The following CFAP299 variants were observed in gnomAD, a reference collection of about 807,000 sequenced individuals.
The protein encoded by CFAP299 is cilia and flagella associated protein 299.
A neutral mutation model predicts 27.0 loss-of-function variants in CFAP299; 21 were observed. The observed-to-expected ratio is 0.78, with a 90% CI of 0.55 to 1.12. The LOEUF is 1.12. CFAP299 is among the 50% of genes most tolerant of loss of function. The probability of loss-of-function intolerance (pLI) is 0.00; values close to 1 mark genes in which losing one functional copy is unlikely to be tolerated. For synonymous variants in CFAP299, 104 were observed against 98.1 expected (o/e 1.06, Z -0.36); for missense variants, 310 against 276.6 (o/e 1.12, Z -0.86).
intron 3 of CFAP299, among the ~76,000 whole-genome samples, chr4:80,599,269 G>A (rs539777300): frequency 1.3e-4 from 19 of 152,000 alleles, no homozygotes; most frequent in Non-Finnish European, 2.6e-4. Flanking sequence ...CTCTATAATC[G>A]TCTTCATTTT....
chr4:80,462,343 C>A (rs550130062), intron 2 of CFAP299, among the ~76,000 whole-genome samples: 1 of 152,242 alleles, frequency 6.6e-6, no homozygotes, highest in East Asian at 1.9e-4. Flanking sequence ...ACCATTCTGG[C>A]GGAGCAGACT....
At chr4:80,497,068 T>A (rs1578516873) in intron 2 of CFAP299, among the ~76,000 whole-genome samples, 1 of 152,064 alleles carries the variant, frequency 6.6e-6, no homozygotes. Flanking sequence ...ACCTTCAACA[T>A]TGGCTATTAT....
intron 3 of CFAP299, among the ~76,000 whole-genome samples, chr4:80,679,809 T>G (rs1578010031): frequency 6.6e-6 from 1 of 151,848 alleles, no homozygotes; most frequent in South Asian, 2.1e-4. Context: ...ACTTCACTGT[T>G]GAGTTTCGAG....
chr4:80,401,516 G>A (rs2110050066), intron 2 of CFAP299, among the ~76,000 whole-genome samples: 1 of 152,324 alleles, frequency 6.6e-6, no homozygotes, highest in South Asian at 2.1e-4. Context: ...TCCACATGGT[G>A]TTGAGCCTGT....
intron 3 of CFAP299, among the ~76,000 whole-genome samples, chr4:80,783,511 T>A (rs774016940): frequency 2.8e-4 from 43 of 152,316 alleles, no homozygotes; most frequent in Non-Finnish European, 5.7e-4. Context: ...AAACTCATTT[T>A]CCTTCATAAA....
chr4:80,809,222 G>T (rs905533541), intron 3 of CFAP299, among the ~76,000 whole-genome samples: 3 of 152,110 alleles, frequency 2.0e-5, no homozygotes, highest in African/African-American at 7.2e-5. Context: ...TACTTTACAT[G>T]GAGACATCTG....
intron 3 of CFAP299, among the ~76,000 whole-genome samples, chr4:80,746,047 A>G (rs572707817): frequency 6.6e-6 from 1 of 152,164 alleles, no homozygotes; most frequent in East Asian, 1.9e-4. Context: ...AAAGTCTCCA[A>G]GGTACAAAGA....
intron 2 of CFAP299, among the ~76,000 whole-genome samples, chr4:80,470,387 T>C (rs1372946598): frequency 6.6e-6 from 1 of 152,194 alleles, no homozygotes; most frequent in Non-Finnish European, 1.5e-5. Context: ...ATGACTCTAC[T>C]GGGTTTCAAA....
chr4:80,390,996 T>C (rs1239265942), intron 2 of CFAP299, among the ~76,000 whole-genome samples: 3 of 148,130 alleles, frequency 2.0e-5, no homozygotes, highest in East Asian at 2.0e-4. Flanking sequence ...TATATATGTA[T>C]ATATGTATGT....
chr4:80,427,467 C>A (rs1324370671), intron 2 of CFAP299, among the ~76,000 whole-genome samples: 2 of 152,142 alleles, frequency 1.3e-5, no homozygotes, highest in Non-Finnish European at 2.9e-5. Context: ...CTTGGCTGTT[C>A]TTTCCTATGT....
chr4:80,594,988 C>G (rs901112393), intron 3 of CFAP299, among the ~76,000 whole-genome samples: 1 of 152,114 alleles, frequency 6.6e-6, no homozygotes, highest in Non-Finnish European at 1.5e-5. Context: ...TGCTTTTTGG[C>G]ACCAAGTCCC....
intron 1 of CFAP299, among the ~76,000 whole-genome samples, chr4:80,356,399 G>A (rs891204896): frequency 2.6e-5 from 4 of 152,094 alleles, no homozygotes; most frequent in African/African-American, 9.7e-5. Context: ...AATGGGAATA[G>A]CATTGAATCT....
intron 2 of CFAP299, among the ~76,000 whole-genome samples, chr4:80,423,317 C>T (rs1351238243): frequency 1.3e-5 from 2 of 152,072 alleles, no homozygotes; most frequent in Non-Finnish European, 2.9e-5. Flanking sequence ...AACAAAAATT[C>T]AACAATTAAT....
intron 3 of CFAP299, among the ~76,000 whole-genome samples, chr4:80,759,873 G>T (rs1725453554): frequency 6.6e-6 from 1 of 151,734 alleles, no homozygotes; most frequent in South Asian, 2.1e-4. Flanking sequence ...CTCCTTAAAC[G>T]TGTTTTTTTT....
At chr4:80,636,106 C>T (rs896564104) in intron 3 of CFAP299, among the ~76,000 whole-genome samples, 1 of 152,106 alleles carries the variant, frequency 6.6e-6, no homozygotes, top group African/African-American at 2.4e-5. Context: ...TTCATGGTCA[C>T]TAATATATCT....
chr4:80,626,246 T>C (rs1171055664), intron 3 of CFAP299, among the ~76,000 whole-genome samples: 1 of 151,914 alleles, frequency 6.6e-6, no homozygotes, highest in African/African-American at 2.4e-5. Flanking sequence ...GGAGACACTT[T>C]GGAAAATTTG....
chr4:80,434,190 G>A (rs927469982), intron 2 of CFAP299, among the ~76,000 whole-genome samples: 17 of 152,110 alleles, frequency 1.1e-4, no homozygotes, highest in Admixed American at 3.3e-4. Flanking sequence ...TCTTATTGTT[G>A]TTACAAATAT....
At position 80,567,464 on chromosome 4, in the gene CFAP299, CCTGA is replaced by C. The variant is rs543830609; in HGVS notation, c.243-15626_243-15623del. On this transcript the variant is annotated intron_variant, in intron 2 of 5. Transcript: ENST00000358105. ...AACCACAAATCTCTCCAAATGTAAC[CCTGA>C]CTAACCTGGCTCCTAAAGAATATTG... Among the ~76,000 whole-genome samples the C allele has an allele frequency of 5.9e-4, 89 of 151,984 alleles. 1 individual carries two copies. Among genetic ancestry groups the C allele is most frequent in the African/African-American group, 2.0e-3 (82 of 41,478 alleles).
chr4:80,492,605 A>ACTAGAATT (rs1731194567), intron 2 of CFAP299, among the ~76,000 whole-genome samples: 1 of 152,186 alleles, frequency 6.6e-6, no homozygotes, highest in African/African-American at 2.4e-5. Context: ...ATTTAATAAC[A>ACTAGAATT]CTAGAATTTT....
Sources: gnomAD v4.1 joint callset for allele counts (sites outside exome capture counted in the v4.1 genomes callset) on GRCh38, gnomAD v4.1.1 for gene constraint, MANE v1.5 for transcripts, NCBI Gene and HGNC (gene_info 2026-07-23, HGNC 2026-07-21) for gene names.